The following WIF1 variants were observed in gnomAD, a reference collection of about 807,000 sequenced individuals.
WIF1 encodes Wnt inhibitory factor 1.
WIF1 carries 35 observed loss-of-function variants against 53.5 expected under a neutral mutation model. The observed-to-expected ratio is 0.65, with a 90% CI of 0.50 to 0.87. WIF1 has a LOEUF of 0.87. Ranked by LOEUF, WIF1 falls within the 40% of genes least tolerant of loss-of-function variation. The pLI is 0.00. For synonymous variants in WIF1, 171 were observed against 170.4 expected, an observed-to-expected ratio of 1.00 and a Z score of -0.03; for missense variants, 467 against 476.8, an observed-to-expected ratio of 0.98 and a Z score of 0.19.
chr12:65,055,350 C>A (rs957627768), intron 8 of WIF1, 137 bp from the exon 9 acceptor site: 2 of 888,512 alleles, frequency 2.3e-6, no homozygotes, highest in Non-Finnish European at 1.6e-6. Context: ...AAGTCAGTCT[C>A]CAGTCATAAG....
chr12:65,080,971 A>T (rs1473021612), intron 2 of WIF1, among the ~76,000 whole-genome samples: 1 of 152,122 alleles, frequency 6.6e-6, no homozygotes, highest in Non-Finnish European at 1.5e-5. Context: ...AATTTAATTT[A>T]AAAAATAAAC....
chr12:65,112,542 A>G (rs1468043939), intron 2 of WIF1, among the ~76,000 whole-genome samples: 1 of 151,898 alleles, frequency 6.6e-6, no homozygotes, highest in Non-Finnish European at 1.5e-5. Flanking sequence ...ACTGTTGCCG[A>G]CCCAACACAT....
chr12:65,106,376 TTTTTTTA>T (rs1478432014), intron 2 of WIF1, among the ~76,000 whole-genome samples: 6 of 138,028 alleles, frequency 4.3e-5, no homozygotes, highest in East Asian at 2.1e-4. Flanking sequence ...TATATATATT[TTTTTTTA>T]TTTTTTTTGT....
At chr12:65,105,627 G>A (rs1227764130) in intron 2 of WIF1, among the ~76,000 whole-genome samples, 1 of 152,102 alleles carries the variant, frequency 6.6e-6, no homozygotes, top group Non-Finnish European at 1.5e-5. Flanking sequence ...GTGCACCAGG[G>A]TGTAGCTGAG....
chr12:65,112,709 C>T (rs1208999586), intron 2 of WIF1, among the ~76,000 whole-genome samples: 1 of 152,174 alleles, frequency 6.6e-6, no homozygotes, highest in Non-Finnish European at 1.5e-5. Flanking sequence ...CACTGGGCTT[C>T]CATTACATCT....
At chr12:65,065,110 A>G (rs970234951) in intron 6 of WIF1, among the ~76,000 whole-genome samples, 14 of 152,214 alleles carry the variant, frequency 9.2e-5, no homozygotes, top group African/African-American at 3.4e-4. Context: ...ACATTCAAAA[A>G]GTGATTTTTA....
At chr12:65,113,600 C>CTT (rs71434068) in intron 2 of WIF1, among the ~76,000 whole-genome samples, 1 of 149,320 alleles carries the variant, frequency 6.7e-6, no homozygotes, top group Admixed American at 6.7e-5. Flanking sequence ...GCAATAAAGT[C>CTT]TTTTTTTTTT....
chr12:65,089,839 A>C (rs933807551), intron 2 of WIF1, among the ~76,000 whole-genome samples: 3 of 152,038 alleles, frequency 2.0e-5, no homozygotes, highest in African/African-American at 7.3e-5. Flanking sequence ...CTTACGGTAA[A>C]AATCTATTTT....
chr12:65,087,528 A>G (rs1883057578), intron 2 of WIF1, among the ~76,000 whole-genome samples: 1 of 152,158 alleles, frequency 6.6e-6, no homozygotes, highest in Non-Finnish European at 1.5e-5. Flanking sequence ...AAATTAGGTC[A>G]TATTTTTCTT....
At chr12:65,077,900 G>A in intron 2 of WIF1, 46 bp from the exon 3 acceptor site, 4 of 1,440,300 alleles carry the variant, frequency 2.8e-6, no homozygotes. Context: ...AACCAGAGAG[G>A]GAGAAGGCAC....
chr12:65,120,985 T>C (rs1883599970), intron 1 of WIF1, 59 bp downstream of exon 1: 1 of 1,379,512 alleles, frequency 7.2e-7, no homozygotes, highest in Non-Finnish European at 9.4e-7. Context: ...TCCCTCTTTC[T>C]TGAAGAGTGG....
At chr12:65,077,371 A>AT (rs1331745568) in intron 3 of WIF1, among the ~76,000 whole-genome samples, 1 of 6,830 alleles carries the variant, frequency 1.5e-4, no homozygotes, top group Non-Finnish European at 5.7e-4. Flanking sequence ...GACTTATCCC[A>AT]TTTGCCCCCA....
At chr12:65,086,244 G>A (rs549008149) in intron 2 of WIF1, among the ~76,000 whole-genome samples, 107 of 152,182 alleles carry the variant, frequency 7.0e-4, no homozygotes, top group Non-Finnish European at 1.4e-3. Flanking sequence ...ATTTATAATG[G>A]AAAGGGTGGT....
At chr12:65,070,083 A>G (rs2136616825) in intron 3 of WIF1, among the ~76,000 whole-genome samples, 1 of 152,308 alleles carries the variant, frequency 6.6e-6, no homozygotes, top group East Asian at 1.9e-4. Context: ...CTAGGTTTAT[A>G]GGAATAAATG....
intron 2 of WIF1, among the ~76,000 whole-genome samples, chr12:65,081,943 T>A (rs1307625592): frequency 6.6e-6 from 1 of 152,132 alleles, no homozygotes; most frequent in Non-Finnish European, 1.5e-5. Flanking sequence ...ATGTTGACAC[T>A]AACTTCTTTC....
chr12:65,121,143 T>A lies in WIF1; in HGVS notation c.49A>T (p.Ile17Phe). The change falls in exon 1 of 10, where the codon ATC (isoleucine) becomes TTC (phenylalanine). Residue 17 changes from isoleucine (I) to phenylalanine (F), a missense_variant. Transcript: ENST00000286574. The part of the protein sequence containing the change: ...FPAAALWLWS[I>F]LLCLLALRAE... ...CGCAGTGCCAGCAGGCACAGGAGGA[T>A]GCTCCAGAGCCAGAGCGCGGCGGCA... 6.4e-7 allele frequency: 1 copy of A among 1,550,658 alleles called. No individual in the cohort carries two copies. The highest frequency in any genetic ancestry group is 8.7e-7 in the Non-Finnish European group (1 of 1,146,858).
intron 2 of WIF1, among the ~76,000 whole-genome samples, chr12:65,116,637 T>C (rs1173334508): frequency 1.3e-5 from 2 of 151,892 alleles, no homozygotes; most frequent in Admixed American, 1.3e-4. Context: ...ATCCTGTTCA[T>C]AGAAAAATTG....
chr12:65,084,457 A>G (rs887939335), intron 2 of WIF1, among the ~76,000 whole-genome samples: 5 of 152,214 alleles, frequency 3.3e-5, no homozygotes, highest in Non-Finnish European at 4.4e-5. Context: ...GTGATACCAT[A>G]GCCATGCCTA....
chr12:65,110,257 C>G (rs575913952), intron 2 of WIF1, among the ~76,000 whole-genome samples: 1 of 151,812 alleles, frequency 6.6e-6, no homozygotes, highest in African/African-American at 2.4e-5. Flanking sequence ...CCCCCTGCCC[C>G]CTTCCCCTGG....
Sources: gnomAD v4.1 joint callset for allele counts (sites outside exome capture counted in the v4.1 genomes callset) on GRCh38, gnomAD v4.1.1 for gene constraint, MANE v1.5 for transcripts, NCBI Gene and HGNC (gene_info 2026-07-23, HGNC 2026-07-21) for gene names.